Variants in CD48 observed in about 807,000 individuals in gnomAD.
CD48 encodes CD48 molecule.
A neutral mutation model predicts 22.0 loss-of-function variants in CD48; 20 were observed. The ratio of observed to expected loss-of-function variants is 0.91; its 90% CI spans 0.64 to 1.32. The LOEUF (loss-of-function observed/expected upper bound fraction) is 1.32, where lower values mean the gene tolerates loss of function less well. Ranked by LOEUF, CD48 falls within the 40% of genes most tolerant of loss-of-function variation. The pLI, the probability that CD48 is intolerant of heterozygous loss-of-function variation, is 0.00. For missense variants in CD48, 307 were observed against 286.5 expected, an observed-to-expected ratio of 1.07 and a Z score of -0.52; for synonymous variants, 110 against 110.1, an observed-to-expected ratio of 1.00 and a Z score of 0.01.
intron 1 of CD48, among the ~76,000 whole-genome samples, chr1:160,694,219 G>T (rs1186219500): frequency 3.3e-5 from 5 of 152,196 alleles, no homozygotes; most frequent in Admixed American, 6.5e-5. Context: ...CATATATTAA[G>T]GTTGGAAATA....
chr1:160,691,878 G>A (rs1469719446), intron 1 of CD48: 8 of 333,916 alleles, frequency 2.4e-5, no homozygotes, highest in Admixed American at 4.8e-5. Context: ...TTGTGCACTC[G>A]GAAGAAGCTA....
At chr1:160,700,584 C>G (rs571387149) in intron 1 of CD48, among the ~76,000 whole-genome samples, 1 of 152,222 alleles carries the variant, frequency 6.6e-6, no homozygotes, top group South Asian at 2.1e-4. Flanking sequence ...CTCTAGATAA[C>G]TGGGCAGTCT....
intron 1 of CD48, among the ~76,000 whole-genome samples, chr1:160,702,311 G>A (rs552853703): frequency 3.3e-4 from 50 of 152,130 alleles, no homozygotes; most frequent in Admixed American, 2.4e-3. Context: ...AGGAGGACAA[G>A]CATTGTACTG....
chr1:160,701,229 A>AGCAGGGACAGGCAT (rs71090320), intron 1 of CD48, among the ~76,000 whole-genome samples: 1 of 94,524 alleles, frequency 1.1e-5, no homozygotes, highest in African/African-American at 3.8e-5. Flanking sequence ...TAGGTATTAA[A>AGCAGGGACAGGCAT]GCCAGGTTGG....
At chr1:160,684,268 T>C (rs1661910167) in intron 2 of CD48, 1 of 153,332 alleles carries the variant, frequency 6.5e-6, no homozygotes. Flanking sequence ...AATTAGTTTC[T>C]GTTATTTGCT....
chr1:160,683,565 C>T (rs2102405404), intron 2 of CD48: 1 of 150,554 alleles, frequency 6.6e-6, no homozygotes, highest in South Asian at 2.1e-4. Flanking sequence ...ACCAGAACAC[C>T]ACTGTAAGAG....
intron 1 of CD48, among the ~76,000 whole-genome samples, chr1:160,699,935 T>C (rs867761194): frequency 9.9e-5 from 15 of 151,980 alleles, no homozygotes; most frequent in Middle Eastern, 3.4e-3. Flanking sequence ...ATACTTTGTC[T>C]CTGTGTCTTT....
intron 1 of CD48, among the ~76,000 whole-genome samples, chr1:160,706,989 C>T (rs1360149267): frequency 6.6e-6 from 1 of 152,142 alleles, no homozygotes; most frequent in South Asian, 2.1e-4. Flanking sequence ...TAGTAAAACT[C>T]TTAAGGAAGA....
intron 2 of CD48, among the ~76,000 whole-genome samples, chr1:160,683,049 A>C (rs1661864924): frequency 6.6e-6 from 1 of 152,222 alleles, no homozygotes; most frequent in African/African-American, 2.4e-5. Context: ...CTCCTCTGTG[A>C]AGCTGATCTC....
intron 1 of CD48, among the ~76,000 whole-genome samples, chr1:160,685,490 AC>A (rs1228772151): frequency 6.6e-6 from 1 of 152,174 alleles, no homozygotes; most frequent in Non-Finnish European, 1.5e-5. Flanking sequence ...TTACTCTCAT[AC>A]CAGTAGACTT....
intron 1 of CD48, among the ~76,000 whole-genome samples, chr1:160,694,624 C>A (rs1006501721): frequency 6.6e-6 from 1 of 151,978 alleles, no homozygotes; most frequent in Non-Finnish European, 1.5e-5. Flanking sequence ...CATTATATAG[C>A]CCCATGAGTC....
intron 1 of CD48, among the ~76,000 whole-genome samples, chr1:160,694,269 C>T (rs558566743): frequency 1.4e-4 from 21 of 151,762 alleles, no homozygotes; most frequent in South Asian, 2.1e-4. Context: ...AGCACTGATC[C>T]GACAGGAAAG....
chr1:160,680,402 C>T (rs1661750510), intron 3 of CD48: 2 of 193,678 alleles, frequency 1.0e-5, no homozygotes, highest in Non-Finnish European at 1.9e-5. Context: ...TGTCTTGTCT[C>T]ATTGAATCCT....
intron 3 of CD48, among the ~76,000 whole-genome samples, chr1:160,679,394 G>A (rs1661717790): frequency 6.6e-6 from 1 of 152,170 alleles, no homozygotes; most frequent in Non-Finnish European, 1.5e-5. Flanking sequence ...TCTGTGGCCT[G>A]GGAAAGCATT....
At chr1:160,684,658 A>G (rs1661923703) in intron 2 of CD48, 1 of 1,338,686 alleles carries the variant, frequency 7.5e-7, no homozygotes. Context: ...CAAAGCTTAG[A>G]CTCACTAACT....
At chr1:160,704,628 A>G (rs1662737976) in intron 1 of CD48, among the ~76,000 whole-genome samples, 1 of 152,230 alleles carries the variant, frequency 6.6e-6, no homozygotes, top group African/African-American at 2.4e-5. Context: ...GCACGAAGGC[A>G]TTTAATTAAC....
rs534964891 is a variant in CD48 at position 160,709,653 on chromosome 1, G to A, written c.82+2029C>T. 3.3e-5 allele frequency among the ~76,000 whole-genome samples: 5 copies of A among 152,276 alleles called. No individual in the cohort carries two copies. The East Asian group carries it at 9.6e-4, about 29-fold the overall frequency. ...AAGTCTGAGGAGAGAAGGAAGAAGA[G>A]AGCTAAGAGTGCTTCTCAAAGTTTT... On this transcript the variant is annotated intron_variant, in intron 1 of 3. Coordinates refer to ENST00000368046, the MANE Select transcript of CD48 (RefSeq NM_001778.4).
At chr1:160,679,230 G>C in intron 3 of CD48, 99 bp from the exon 4 acceptor site, 2 of 885,528 alleles carry the variant, frequency 2.3e-6, no homozygotes, top group Non-Finnish European at 3.7e-6. Flanking sequence ...GGAGCTCACA[G>C]AGCAGGGAAA....
At chr1:160,679,540 C>T (rs1007444067) in intron 3 of CD48, among the ~76,000 whole-genome samples, 4 of 151,842 alleles carry the variant, frequency 2.6e-5, no homozygotes, top group African/African-American at 9.7e-5. Context: ...CACTAAGTAT[C>T]TGCACCAACT....
Sources: allele counts gnomAD v4.1 joint callset (sites outside exome capture counted in the v4.1 genomes callset), GRCh38; gene constraint gnomAD v4.1.1; transcripts MANE v1.5; gene names NCBI Gene and HGNC (gene_info 2026-07-23, HGNC 2026-07-21).